PLCL2: variants seen among roughly 807,000 people sequenced by gnomAD.
The protein encoded by PLCL2 is phospholipase C like 2.
PLCL2 carries 4 observed loss-of-function variants against 79.6 expected under a neutral mutation model. The observed-to-expected ratio is 0.05, with a 90% CI of 0.02 to 0.11. The LOEUF (loss-of-function observed/expected upper bound fraction) is 0.11. Among genes scored for constraint, PLCL2 ranks in the 10% least tolerant of loss-of-function variants. The pLI, the probability that PLCL2 is intolerant of heterozygous loss-of-function variation, is 1.00. For missense variants in PLCL2, 895 were observed against 1,291.0 expected (o/e 0.69, Z 4.70); for synonymous variants, 484 against 457.7 (o/e 1.06, Z -0.73).
Position 16,926,411 on chromosome 3 carries a change from A to G in PLCL2, c.327+41045A>G, listed in dbSNP as rs192395092. Among the ~76,000 whole-genome samples the G allele has an allele frequency of 2.5e-3, 375 of 152,302 alleles. 2 individuals are homozygous for G. Among genetic ancestry groups the G allele is most frequent in the Non-Finnish European group, 4.1e-3 (277 of 68,022 alleles). On this transcript the variant is annotated intron_variant, in intron 1 of 5. Transcript: ENST00000615277. ...AGTATCTACCTCTAGATGTTCCTGT[A>G]TTAGAATGAGGTCATGTATGCAAAA...
At position 17,090,397 on chromosome 3, in the gene PLCL2, G is replaced by A. The variant is rs945760709; in HGVS notation, c.*485G>A. On this transcript the variant is annotated 3_prime_UTR_variant, in exon 6 of 6. Coordinates refer to ENST00000615277, the MANE Select transcript of PLCL2 (RefSeq NM_001144382.2). ...ATTACTAAAGAGAATGTAAGTGGAC[G>A]GGTTCCCTGAATCCCCGGGGTCCTT... 4 of 330,824 alleles carry A rather than the reference G, an allele frequency of 1.2e-5. No individual in the cohort carries two copies. The highest frequency in any genetic ancestry group is 1.7e-5 in the Non-Finnish European group (4 of 231,644). 20.5% of individuals were successfully genotyped at this position (330,824 alleles called of 1,614,324 possible).
At chr3:17,041,554 A>G (rs2064722091) in intron 3 of PLCL2, among the ~76,000 whole-genome samples, 1 of 152,204 alleles carries the variant, frequency 6.6e-6, no homozygotes, top group Non-Finnish European at 1.5e-5. Context: ...CTTACCAAAA[A>G]TATGGTGGTT....
At position 17,079,462 on chromosome 3, in the gene PLCL2, T is replaced by C. The variant is rs149560573; in HGVS notation, c.3205-10271T>C. Among the ~76,000 whole-genome samples the C allele has an allele frequency of 2.8e-3, 422 of 152,274 alleles. 1 individual carries two copies. Among genetic ancestry groups the C allele is most frequent in the South Asian group, 5.2e-3 (25 of 4,820 alleles). ...TGGCCAGGTCTGTAGCAGAGGGAGA[T>C]GTAGTCAGTCAGAACCTAGAAAGCT... On this transcript the variant is annotated intron_variant, in intron 5 of 5. Coordinates refer to ENST00000615277, the MANE Select transcript of PLCL2 (RefSeq NM_001144382.2).
intron 4 of PLCL2, among the ~76,000 whole-genome samples, chr3:17,050,894 C>T (rs532103995): frequency 6.6e-6 from 1 of 152,314 alleles, no homozygotes; most frequent in South Asian, 2.1e-4. Flanking sequence ...TGGAAGCAAC[C>T]TAAGCATCTA....
chr3:16,910,240 T>C (rs1472232043), intron 1 of PLCL2, among the ~76,000 whole-genome samples: 2 of 152,206 alleles, frequency 1.3e-5, no homozygotes, highest in South Asian at 2.1e-4. Flanking sequence ...CAGTGCTCAC[T>C]GTCTTCAATT....
intron 1 of PLCL2, among the ~76,000 whole-genome samples, chr3:16,985,410 G>C (rs574753963): frequency 6.6e-6 from 1 of 152,226 alleles, no homozygotes; most frequent in Admixed American, 6.5e-5. Flanking sequence ...AAAATAGGCT[G>C]TCTTATCTCT....
intron 4 of PLCL2, among the ~76,000 whole-genome samples, chr3:17,047,855 A>G (rs908868803): frequency 6.7e-6 from 1 of 150,280 alleles, no homozygotes; most frequent in Non-Finnish European, 1.5e-5. Flanking sequence ...CTTTCATTAA[A>G]CTCTCACTTC....
intron 4 of PLCL2, among the ~76,000 whole-genome samples, chr3:17,050,798 T>C (rs1431872555): frequency 2.0e-5 from 3 of 152,172 alleles, no homozygotes; most frequent in Non-Finnish European, 4.4e-5. Context: ...CTGCTGCATG[T>C]ATACCCAAAA....
chr3:16,977,148 T>A (rs1468651891), intron 1 of PLCL2, among the ~76,000 whole-genome samples: 1 of 152,234 alleles, frequency 6.6e-6, no homozygotes, highest in African/African-American at 2.4e-5. Flanking sequence ...TATACGTATA[T>A]ATACACACAT....
chr3:16,932,892 T>C (rs1406080136), intron 1 of PLCL2, among the ~76,000 whole-genome samples: 2 of 152,250 alleles, frequency 1.3e-5, no homozygotes, highest in Non-Finnish European at 2.9e-5. Flanking sequence ...GGAGAAGATT[T>C]TCTTTCTTTT....
intron 5 of PLCL2, among the ~76,000 whole-genome samples, chr3:17,085,072 A>T (rs560936019): frequency 6.6e-6 from 1 of 152,346 alleles, no homozygotes; most frequent in South Asian, 2.1e-4. Flanking sequence ...CAATATAATG[A>T]GCAATTATGG....
chr3:17,077,910 T>G (rs2065123706), intron 5 of PLCL2, among the ~76,000 whole-genome samples: 1 of 152,224 alleles, frequency 6.6e-6, no homozygotes, highest in Non-Finnish European at 1.5e-5. Context: ...GTCTTTCTGC[T>G]TATCTTTCTG....
chr3:16,978,328 T>G (rs941175869), intron 1 of PLCL2, among the ~76,000 whole-genome samples: 4 of 152,258 alleles, frequency 2.6e-5, no homozygotes, highest in African/African-American at 9.6e-5. Flanking sequence ...TTGTGACTTA[T>G]GTATCTGTGG....
At chr3:17,056,829 G>A (rs959958243) in intron 4 of PLCL2, among the ~76,000 whole-genome samples, 3 of 152,164 alleles carry the variant, frequency 2.0e-5, no homozygotes, top group Non-Finnish European at 2.9e-5. Context: ...TTTGAAGAAA[G>A]GAGCAGTCTC....
intron 1 of PLCL2, among the ~76,000 whole-genome samples, chr3:16,898,146 GT>G (rs1259089109): frequency 6.6e-6 from 1 of 152,190 alleles, no homozygotes; most frequent in Non-Finnish European, 1.5e-5. Flanking sequence ...GGCACCAACA[GT>G]TTGGCAGCAG....
intron 5 of PLCL2, among the ~76,000 whole-genome samples, chr3:17,085,552 G>A (rs757361758): frequency 3.1e-4 from 47 of 152,068 alleles, no homozygotes; most frequent in Non-Finnish European, 5.6e-4. Context: ...CTGGGTTCAC[G>A]CCATTCTCTG....
At chr3:16,888,609 A>G (rs767114386) in intron 1 of PLCL2, among the ~76,000 whole-genome samples, 1 of 152,212 alleles carries the variant, frequency 6.6e-6, no homozygotes, top group Non-Finnish European at 1.5e-5. Flanking sequence ...TTCTCTTTCC[A>G]TAATTCATTT....
chr3:16,902,355 G>C (rs1284803977), intron 1 of PLCL2, among the ~76,000 whole-genome samples: 2 of 152,156 alleles, frequency 1.3e-5, no homozygotes, highest in East Asian at 1.9e-4. Flanking sequence ...AGTTCTGATA[G>C]GGGCTGCTAT....
At chr3:16,889,890 G>A (rs745999555) in intron 1 of PLCL2, among the ~76,000 whole-genome samples, 2 of 151,974 alleles carry the variant, frequency 1.3e-5, no homozygotes, top group Non-Finnish European at 2.9e-5. Flanking sequence ...TTGAATGGGG[G>A]AAACAAAGAT....
Sources: gnomAD v4.1 joint callset for allele counts (sites outside exome capture counted in the v4.1 genomes callset) on GRCh38, gnomAD v4.1.1 for gene constraint, MANE v1.5 for transcripts, NCBI Gene and HGNC (gene_info 2026-07-23, HGNC 2026-07-21) for gene names.